CREBBP: variants seen among roughly 807,000 people sequenced by gnomAD.
CREBBP encodes CREB binding lysine acetyltransferase.
In CREBBP, 19 loss-of-function variants were observed where a neutral mutation model predicts 265.0. The ratio of observed to expected loss-of-function variants is 0.07; its 90% CI spans 0.05 to 0.11. The LOEUF (loss-of-function observed/expected upper bound fraction) is 0.11, where lower values mean the gene tolerates loss of function less well. CREBBP is among the 10% of genes least tolerant of loss of function. The pLI, the probability that CREBBP is intolerant of heterozygous loss-of-function variation, is 1.00. For synonymous variants in CREBBP, 1,457 were observed against 1,223.7 expected (o/e 1.19, Z -3.98); for missense variants, 2,525 against 3,219.0 (o/e 0.78, Z 5.22).
At chr16:3,734,594 A>G (rs112057468) in intron 28 of CREBBP, among the ~76,000 whole-genome samples, 148 of 152,190 alleles carry the variant, frequency 9.7e-4, no homozygotes, top group African/African-American at 3.4e-3. Flanking sequence ...CTCACCAGAC[A>G]CCAGTGAGAC....
At chr16:3,741,090 G>A (rs1426145136) in intron 23 of CREBBP, 4 of 172,534 alleles carry the variant, frequency 2.3e-5, no homozygotes, top group African/African-American at 4.8e-5. Flanking sequence ...CGCCTCGTGC[G>A]GTGCACGAAT....
At chr16:3,832,393 C>T (rs1265162446) in intron 2 of CREBBP, among the ~76,000 whole-genome samples, 1 of 152,022 alleles carries the variant, frequency 6.6e-6, no homozygotes, top group Non-Finnish European at 1.5e-5. Flanking sequence ...AGTTATAGAC[C>T]CATATCACTC....
intron 2 of CREBBP, among the ~76,000 whole-genome samples, chr16:3,841,180 G>C (rs1199737475): frequency 6.6e-6 from 1 of 151,928 alleles, no homozygotes; most frequent in East Asian, 1.9e-4. Flanking sequence ...TGTATAAGGG[G>C]TCTGTGTAGT....
At chr16:3,842,676 A>G (rs1200511505) in intron 2 of CREBBP, among the ~76,000 whole-genome samples, 1 of 152,144 alleles carries the variant, frequency 6.6e-6, no homozygotes, top group Non-Finnish European at 1.5e-5. Context: ...AAAATTAGAA[A>G]TGAGATGGCA....
intron 2 of CREBBP, chr16:3,841,028 C>CT (rs1186310488): frequency 3.8e-5 from 6 of 156,410 alleles, no homozygotes; most frequent in Non-Finnish European, 2.9e-5. Context: ...TATTCTTGTA[C>CT]TTTTTTTTCT....
Position 3,780,718 on chromosome 16 carries a change from A to AC in CREBBP, c.1823+13_1823+14insG. ...AAAATCAAACATCTATGAAACTGCAAAACTGTTACGTACAGTTTATGCACT... is the reference window on the plus strand; with the variant it reads ...AAAATCAAACATCTATGAAACTGCAACAACTGTTACGTACAGTTTATGCACT... On this transcript the variant is annotated intron_variant, in intron 8 of 30. Coordinates refer to ENST00000262367, the MANE Select transcript of CREBBP (RefSeq NM_004380.3). 2 of 1,613,732 alleles carry AC rather than the reference A, an allele frequency of 1.2e-6. No homozygotes were observed. The highest frequency in any genetic ancestry group is 1.7e-6 in the Non-Finnish European group (2 of 1,179,966).
chr16:3,803,124 C>G (rs188016131), intron 3 of CREBBP, among the ~76,000 whole-genome samples: 261 of 151,914 alleles, frequency 1.7e-3, no homozygotes, highest in Non-Finnish European at 2.7e-3. Flanking sequence ...GGAAATGTTT[C>G]TTGTGTTTTC....
chr16:3,764,188 G>GT (rs1196152162), intron 16 of CREBBP, among the ~76,000 whole-genome samples: 1 of 151,406 alleles, frequency 6.6e-6, no homozygotes, highest in Non-Finnish European at 1.5e-5. Flanking sequence ...GCCCAGGCTG[G>GT]CTTGAACTCC....
Position 3,728,378 on chromosome 16 carries a change from C to G in CREBBP, c.6669G>C (p.Gly2223=), listed in dbSNP as rs374826846. ...GGAACTGGCCGTGCCCCGCCATGCC[C>G]CCAGCCATGCCGGCACTCCCTTGCT... ...QQQQGSAGMA[G]GMAGHGQFQQ... The change falls in exon 31 of 31, where the codon GGG becomes GGC. Residue 2223 remains glycine, a synonymous_variant. Coordinates refer to ENST00000262367, the MANE Select transcript of CREBBP (RefSeq NM_004380.3). This position sits in a 1 kb window ranked among gnomAD's most constrained non-coding sequence, Gnocchi z 8.7. 4.3e-6 allele frequency: 7 copies of G among 1,613,516 alleles called. No homozygotes were observed. The highest frequency in any genetic ancestry group is 5.1e-6 in the Non-Finnish European group (6 of 1,179,778).
chr16:3,730,535 A>G (rs2051886395), intron 30 of CREBBP: 1 of 158,312 alleles, frequency 6.3e-6, no homozygotes, highest in South Asian at 1.9e-4. Context: ...AAGATATGAA[A>G]ACTGCCGCAT....
intron 2 of CREBBP, among the ~76,000 whole-genome samples, chr16:3,818,144 T>C (rs940349789): frequency 6.6e-6 from 1 of 151,884 alleles, no homozygotes; most frequent in Non-Finnish European, 1.5e-5. Flanking sequence ...TAACCACTTA[T>C]GAGTATGCAC....
In CREBBP at chr16:3,728,881, C is replaced by T. The variant is rs1254881895; in HGVS notation, c.6166G>A (p.Val2056Met). The change falls in exon 31 of 31, where the codon GTG (valine) becomes ATG (methionine). Residue 2056 changes from valine to methionine, a missense_variant. Physicochemically the swap from Val to Met is conservative, Grantham distance 21 (BLOSUM62 1). Coordinates refer to ENST00000262367, the MANE Select transcript of CREBBP (RefSeq NM_004380.3). The surrounding 1 kb of genome is among the most constrained non-coding windows in gnomAD (Gnocchi z 8.7). ...GGTGAGATGCTCCTGGGTGGCTGCA[C>T]GCTGGGCATCCGGGGCCCAGCCACG... ...AAVAGPRMPS[V>M]QPPRSISPSA... 8.7e-6 allele frequency: 14 copies of T among 1,611,328 alleles called. No individual in the cohort carries two copies. Among genetic ancestry groups the T allele is most frequent in the Middle Eastern group, 1.7e-4 (1 of 6,044 alleles).
chr16:3,876,420 A>C (rs1319897745), intron 1 of CREBBP, among the ~76,000 whole-genome samples: 1 of 150,026 alleles, frequency 6.7e-6, no homozygotes, highest in South Asian at 2.1e-4. Context: ...AAAAAAAAAA[A>C]AAAAAACAAC....
intron 2 of CREBBP, among the ~76,000 whole-genome samples, chr16:3,839,656 T>C (rs2054525675): frequency 7.8e-6 from 1 of 127,410 alleles, no homozygotes; most frequent in Admixed American, 1.1e-4. Flanking sequence ...CACTCCCACC[T>C]AGACAACAAG....
intron 9 of CREBBP, 115 bp from the exon 10 acceptor site, chr16:3,778,297 G>T: frequency 1.2e-6 from 1 of 841,546 alleles, no homozygotes; most frequent in South Asian, 1.5e-5. Context: ...GGCAAAAGTA[G>T]TATGCAAATA....
chr16:3,849,436 TGTGTGTGTGTGTGTGTGTG>T lies in CREBBP; in HGVS notation c.798+842_798+860del, dbSNP rs2054758495. Among the ~76,000 whole-genome samples, 6 of 11,400 alleles carry T rather than the reference TGTGTGTGTGTGTGTGTGTG, an allele frequency of 5.3e-4. 1 individual carries two copies. The highest frequency in any genetic ancestry group is 5.0e-3 in the Admixed American group (5 of 1,000). 7.5% of individuals were successfully genotyped at this position (11,400 alleles called of 152,430 possible). ...GTGTGTGTGTGTGTGTGTGTGTGTG[TGTGTGTGTGTGTGTGTGTG>T]TGTGTGTGTGTGTGTGTGTGTGTGT... On this transcript the variant is annotated intron_variant, in intron 2 of 30. Transcript: ENST00000262367.
intron 21 of CREBBP, 22 bp downstream of exon 21, chr16:3,749,605 A>G (rs1407083467): frequency 1.9e-6 from 3 of 1,568,220 alleles, no homozygotes; most frequent in African/African-American, 1.4e-5. Flanking sequence ...TGAAAGTAAA[A>G]AAGAAATAGC....
intron 11 of CREBBP, 161 bp from the exon 12 acceptor site, chr16:3,774,854 G>C (rs2053098670): frequency 9.4e-6 from 9 of 956,774 alleles, no homozygotes; most frequent in Middle Eastern, 2.2e-4. Flanking sequence ...TGAAGGAACA[G>C]ACTTCTCCAT....
intron 2 of CREBBP, among the ~76,000 whole-genome samples, chr16:3,821,193 T>C (rs1047697619): frequency 2.6e-5 from 4 of 152,252 alleles, no homozygotes; most frequent in Non-Finnish European, 2.9e-5. Context: ...TTTCTGATTC[T>C]AAAAATCTGA....
Sources: allele counts gnomAD v4.1 joint callset (sites outside exome capture counted in the v4.1 genomes callset), GRCh38; gene constraint gnomAD v4.1.1; non-coding constraint Gnocchi (gnomAD v3.1); transcripts MANE v1.5; gene names NCBI Gene and HGNC (gene_info 2026-07-23, HGNC 2026-07-21).